CLVS1: variants seen among roughly 807,000 people sequenced by gnomAD.
CLVS1 encodes clavesin 1, also known as clavesin-1.
Under a neutral mutation model 33.1 loss-of-function variants are expected in CLVS1, and 10 were observed. That is an observed-to-expected ratio of 0.30 (90% confidence interval 0.19 to 0.51). The LOEUF is 0.51. CLVS1 is among the 20% of genes least tolerant of loss of function. The pLI, the probability that CLVS1 is intolerant of heterozygous loss-of-function variation, is 0.97. For synonymous variants in CLVS1, 163 were observed against 166.1 expected (o/e 0.98, Z 0.14); for missense variants, 343 against 433.4 (o/e 0.79, Z 1.85).
chr8:60,986,848 A>C, the CLVS1 span, among the ~76,000 whole-genome samples: 1 of 152,342 alleles, frequency 6.6e-6, no homozygotes, highest in Non-Finnish European at 1.5e-5. Flanking sequence ...TTGCAGATTG[A>C]ATTTGAAACA....
intron 1 of CLVS1, among the ~76,000 whole-genome samples, chr8:61,115,361 A>T (rs1279871868): frequency 6.7e-6 from 1 of 148,216 alleles, no homozygotes; most frequent in Non-Finnish European, 1.5e-5. Context: ...TTTTATTTTT[A>T]TTTTTATTTA....
chr8:61,238,448 G>T (rs1808616658), intron 2 of CLVS1, among the ~76,000 whole-genome samples: 1 of 151,924 alleles, frequency 6.6e-6, no homozygotes, highest in African/African-American at 2.4e-5. Context: ...TAAGTTATTA[G>T]AAGGCTGTGG....
At chr8:61,238,334 TC>T (rs1808612945) in intron 2 of CLVS1, among the ~76,000 whole-genome samples, 1 of 151,796 alleles carries the variant, frequency 6.6e-6, no homozygotes, top group Non-Finnish European at 1.5e-5. Flanking sequence ...TCTCTTTCCC[TC>T]CCCTGCTTAC....
intron 3 of CLVS1, among the ~76,000 whole-genome samples, chr8:61,449,976 TAC>T (rs1346340069): frequency 6.6e-6 from 1 of 152,218 alleles, no homozygotes; most frequent in African/African-American, 2.4e-5. Context: ...AATCTTGAAA[TAC>T]ACTTGGGACC....
chr8:61,421,844 C>T (rs1048703832), intron 3 of CLVS1, among the ~76,000 whole-genome samples: 3 of 152,078 alleles, frequency 2.0e-5, no homozygotes, highest in African/African-American at 7.2e-5. Flanking sequence ...TCTCTGTGGT[C>T]GTGCTAGGAA....
At chr8:61,281,129 C>A (rs1350764157) in intron 2 of CLVS1, among the ~76,000 whole-genome samples, 1 of 152,136 alleles carries the variant, frequency 6.6e-6, no homozygotes, top group East Asian at 1.9e-4. Flanking sequence ...CAAAAATCTC[C>A]AGAAAACTTC....
At chr8:61,142,257 A>T (rs1318021652) in intron 2 of CLVS1, among the ~76,000 whole-genome samples, 1 of 152,112 alleles carries the variant, frequency 6.6e-6, no homozygotes, top group East Asian at 1.9e-4. Flanking sequence ...AATGTGGCAC[A>T]TTCCCTCTCT....
chr8:61,272,204 C>T (rs1286007357), intron 2 of CLVS1, among the ~76,000 whole-genome samples: 1 of 151,592 alleles, frequency 6.6e-6, no homozygotes, highest in Admixed American at 6.6e-5. Context: ...GACAAAATCT[C>T]TCAGCATTTG....
chr8:61,089,791 T>A (rs1805198063), intron 1 of CLVS1, among the ~76,000 whole-genome samples: 1 of 152,136 alleles, frequency 6.6e-6, no homozygotes, highest in Non-Finnish European at 1.5e-5. Flanking sequence ...GCATGGGGCA[T>A]GTACCTGCAG....
At chr8:61,185,063 C>G (rs1050547326) in intron 2 of CLVS1, among the ~76,000 whole-genome samples, 2 of 151,574 alleles carry the variant, frequency 1.3e-5, no homozygotes, top group East Asian at 1.9e-4. Context: ...TGGAATCATA[C>G]TATGTATAGA....
chr8:61,103,103 G>A (rs1443902889), intron 1 of CLVS1, among the ~76,000 whole-genome samples: 1 of 152,176 alleles, frequency 6.6e-6, no homozygotes, highest in African/African-American at 2.4e-5. Flanking sequence ...CACCAGGTTG[G>A]CAAATGATGT....
At chr8:61,088,746 T>C (rs1432202741) in intron 1 of CLVS1, among the ~76,000 whole-genome samples, 1 of 152,140 alleles carries the variant, frequency 6.6e-6, no homozygotes, top group African/African-American at 2.4e-5. Flanking sequence ...AATGTCCATT[T>C]TTACACATCC....
At chr8:61,186,478 A>C (rs1807346161) in intron 2 of CLVS1, among the ~76,000 whole-genome samples, 1 of 152,182 alleles carries the variant, frequency 6.6e-6, no homozygotes, top group South Asian at 2.1e-4. Context: ...GGGATGTGTG[A>C]ACTTGAAGGG....
In CLVS1 at chr8:61,288,211, T is replaced by A. The variant is rs559697414; in HGVS notation, c.-152+73T>A. The A allele has an allele frequency of 2.2e-3, 1,023 of 456,340 alleles. 4 individuals carry two copies. The highest frequency in any genetic ancestry group is 3.6e-3 in the Non-Finnish European group (818 of 226,962). 28.3% of individuals were successfully genotyped at this position (456,340 alleles called of 1,614,324 possible). On this transcript the variant is annotated intron_variant, in intron 1 of 5. Transcript: ENST00000325897. ...CCTTTCCCCCGCTCTTTCGATGCCA[T>A]GGCTGCGGCGTTTCAGCACTTCGGT... is the stretch of plus-strand genomic sequence containing the variant.
chr8:61,030,316 G>A, the CLVS1 span, among the ~76,000 whole-genome samples: 1 of 145,920 alleles, frequency 6.9e-6, no homozygotes, highest in Non-Finnish European at 1.5e-5. Context: ...GGGTGGGGGG[G>A]CGCAAATCCT....
the CLVS1 span, among the ~76,000 whole-genome samples, chr8:61,034,063 G>C: frequency 6.6e-6 from 1 of 152,080 alleles, no homozygotes; most frequent in Admixed American, 6.5e-5. Context: ...AGTTCAAGGG[G>C]AGAGGCTAGG....
intron 2 of CLVS1, among the ~76,000 whole-genome samples, chr8:61,187,835 A>G (rs918330713): frequency 3.9e-4 from 58 of 150,016 alleles, no homozygotes; most frequent in African/African-American, 1.4e-3. Context: ...ATATGTATAC[A>G]TACATGTACA....
chr8:61,164,916 T>G (rs1325879137), intron 2 of CLVS1, among the ~76,000 whole-genome samples: 6 of 152,094 alleles, frequency 3.9e-5, no homozygotes, highest in Admixed American at 3.9e-4. Flanking sequence ...TTACCAGGGG[T>G]CCTTGCTCAC....
At chr8:61,416,706 T>C (rs1815453338) in intron 3 of CLVS1, among the ~76,000 whole-genome samples, 1 of 152,160 alleles carries the variant, frequency 6.6e-6, no homozygotes, top group African/African-American at 2.4e-5. Context: ...GGACAGAGCT[T>C]CCACCTAGTA....
Sources: allele counts gnomAD v4.1 joint callset (sites outside exome capture counted in the v4.1 genomes callset), GRCh38; gene constraint gnomAD v4.1.1; transcripts MANE v1.5; gene names NCBI Gene and HGNC (gene_info 2026-07-23, HGNC 2026-07-21).